The following TIAM1 variants were observed in gnomAD, a reference collection of about 807,000 sequenced individuals.
The protein encoded by TIAM1 is TIAM Rac1 associated GEF 1, also known as rho guanine nucleotide exchange factor TIAM1.
Under a neutral mutation model 163.5 loss-of-function variants are expected in TIAM1, and 65 were observed. The ratio of observed to expected loss-of-function variants is 0.40; its 90% confidence interval spans 0.33 to 0.49. The LOEUF is 0.49. Ranked by LOEUF, TIAM1 falls within the 20% of genes least tolerant of loss-of-function variation. TIAM1 has a pLI of 0.77. For synonymous variants in TIAM1, 833 were observed against 810.1 expected (o/e 1.03, Z -0.48); for missense variants, 1,789 against 2,044.7 (o/e 0.87, Z 2.41).
intron 5 of TIAM1, among the ~76,000 whole-genome samples, chr21:31,248,046 G>A (rs1466463367): frequency 6.6e-6 from 1 of 152,096 alleles, no homozygotes; most frequent in African/African-American, 2.4e-5. Context: ...GCCTAAAGAA[G>A]CTGTTAAGCA....
At chr21:31,256,919 T>G (rs1473317867) in intron 4 of TIAM1, among the ~76,000 whole-genome samples, 2 of 152,140 alleles carry the variant, frequency 1.3e-5, no homozygotes, top group Non-Finnish European at 2.9e-5. Flanking sequence ...TCAGCCCTAC[T>G]TACATCTTGG....
At chr21:31,296,880 G>A (rs1386151387) in intron 2 of TIAM1, among the ~76,000 whole-genome samples, 3 of 152,156 alleles carry the variant, frequency 2.0e-5, no homozygotes, top group East Asian at 1.9e-4. Flanking sequence ...AGCCAGGATG[G>A]TCTTGATTTC....
chr21:31,554,295 C>A (rs2048796626), intron 1 of TIAM1, among the ~76,000 whole-genome samples: 1 of 152,200 alleles, frequency 6.6e-6, no homozygotes, highest in Non-Finnish European at 1.5e-5. Context: ...AGCACAACTG[C>A]ATTAGAGTCC....
chr21:31,530,448 T>G (rs1276526544), intron 1 of TIAM1, among the ~76,000 whole-genome samples: 2 of 152,250 alleles, frequency 1.3e-5, no homozygotes. Flanking sequence ...AATGCTATTC[T>G]GTCTCCCTTC....
intron 23 of TIAM1, among the ~76,000 whole-genome samples, chr21:31,133,475 C>T (rs374218048): frequency 6.6e-6 from 1 of 152,204 alleles, no homozygotes; most frequent in Non-Finnish European, 1.5e-5. Flanking sequence ...GCACCCACAC[C>T]GACTTCTCAT....
Position 31,252,010 on chromosome 21 carries a change from C to A in TIAM1, c.1143G>T (p.Gln381His), listed in dbSNP as rs528287339. Residue 381 changes from glutamine to histidine, a missense_variant, in exon 5 of 28, where the codon CAG (glutamine) becomes CAT (histidine). Physicochemically the swap from Gln to His is conservative, Grantham distance 24. Transcript: ENST00000541036. ...CCCGCCGGAAGTTCTCGTACACCCC[C>A]TGACGAGCCGCATCCCCGGTGGAGC... is the stretch of plus-strand genomic sequence containing the variant. ...GSSSTGDAAR[Q>H]GVYENFRREL... 8.7e-6 allele frequency: 14 copies of A among 1,614,030 alleles called. No individual in the cohort carries two copies. The highest frequency in any genetic ancestry group is 1.0e-5 in the Non-Finnish European group (12 of 1,179,974).
At chr21:31,428,279 C>T (rs541406348) in intron 2 of TIAM1, among the ~76,000 whole-genome samples, 20 of 152,008 alleles carry the variant, frequency 1.3e-4, no homozygotes, top group African/African-American at 4.8e-4. Context: ...AAGAAAGAAA[C>T]TGAATGTGGC....
chr21:31,147,063 A>C (rs956977866), intron 19 of TIAM1, 60 bp from the exon 20 acceptor site: 10 of 1,434,102 alleles, frequency 7.0e-6, no homozygotes, highest in African/African-American at 1.4e-5. Context: ...AAATATCAGC[A>C]GGTTATGGCA....
intron 2 of TIAM1, among the ~76,000 whole-genome samples, chr21:31,449,709 A>T (rs189529593): frequency 9.2e-4 from 140 of 152,188 alleles, no homozygotes; most frequent in Admixed American, 2.1e-3. Context: ...TTCCCTCCAC[A>T]AAGTTTCTGC....
At chr21:31,323,039 C>T (rs951448529) in intron 2 of TIAM1, among the ~76,000 whole-genome samples, 1 of 152,104 alleles carries the variant, frequency 6.6e-6, no homozygotes, top group Admixed American at 6.5e-5. Flanking sequence ...CCTGTAATCC[C>T]AGCATTTTGG....
intron 1 of TIAM1, among the ~76,000 whole-genome samples, chr21:31,467,681 C>T (rs1011052774): frequency 2.6e-5 from 4 of 151,486 alleles, no homozygotes; most frequent in African/African-American, 9.7e-5. Flanking sequence ...TAAAATTAGC[C>T]AGGCATGGTG....
chr21:31,147,058 T>C, intron 19 of TIAM1, 55 bp from the exon 20 acceptor site: 3 of 1,501,084 alleles, frequency 2.0e-6, no homozygotes, highest in Non-Finnish European at 9.3e-7. Flanking sequence ...ACTGGAAATA[T>C]CAGCAGGTTA....
chr21:31,551,065 T>C (rs1394197944), intron 1 of TIAM1, among the ~76,000 whole-genome samples: 1 of 150,938 alleles, frequency 6.6e-6, no homozygotes, highest in African/African-American at 2.4e-5. Context: ...ACAAAAAAAA[T>C]TAGCCAGGCA....
At chr21:31,210,304 CCA>C in intron 10 of TIAM1, 89 bp from the exon 11 acceptor site, 1 of 1,419,680 alleles carries the variant, frequency 7.0e-7, no homozygotes, top group Non-Finnish European at 9.7e-7. Flanking sequence ...TCACCGATTC[CCA>C]TGAAAACAGC....
intron 1 of TIAM1, among the ~76,000 whole-genome samples, chr21:31,500,123 C>T (rs2046803767): frequency 1.3e-5 from 2 of 152,108 alleles, no homozygotes; most frequent in South Asian, 4.1e-4. Context: ...CAAGATCGCA[C>T]CATTGCACTC....
At chr21:31,374,300 G>A (rs944407560) in intron 2 of TIAM1, among the ~76,000 whole-genome samples, 8 of 152,128 alleles carry the variant, frequency 5.3e-5, no homozygotes, top group Admixed American at 5.2e-4. Flanking sequence ...CAACCACTGG[G>A]CAAACGATCA....
intron 2 of TIAM1, among the ~76,000 whole-genome samples, chr21:31,323,053 G>A (rs2075368243): frequency 6.6e-6 from 1 of 152,058 alleles, no homozygotes; most frequent in Non-Finnish European, 1.5e-5. Flanking sequence ...ATTTTGGGAG[G>A]CTGAGGCATG....
At chr21:31,218,166 C>G (rs1294431050) in intron 8 of TIAM1, among the ~76,000 whole-genome samples, 1 of 152,096 alleles carries the variant, frequency 6.6e-6, no homozygotes. Context: ...CTAAAATTAC[C>G]AATCTCTACT....
intron 1 of TIAM1, among the ~76,000 whole-genome samples, chr21:31,555,475 C>T (rs1331308231): frequency 1.3e-5 from 2 of 152,068 alleles, no homozygotes; most frequent in African/African-American, 4.8e-5. Flanking sequence ...TACAGAAGAC[C>T]AAATGACTGG....
Sources: gnomAD v4.1 joint callset for allele counts (sites outside exome capture counted in the v4.1 genomes callset) on GRCh38, gnomAD v4.1.1 for gene constraint, MANE v1.5 for transcripts, NCBI Gene and HGNC (gene_info 2026-07-23, HGNC 2026-07-21) for gene names.